Variants in CACHD1 observed in about 807,000 individuals in gnomAD.
CACHD1 encodes VWFA and cache domain-containing protein 1.
A neutral mutation model predicts 138.7 loss-of-function variants in CACHD1; 71 were observed. That is an observed-to-expected ratio of 0.51 (90% confidence interval 0.42 to 0.62). CACHD1 has a LOEUF of 0.62. Among genes scored for constraint, CACHD1 ranks in the 20% least tolerant of loss-of-function variants. The pLI, the probability that CACHD1 is intolerant of heterozygous loss-of-function variation, is 0.00. For synonymous variants in CACHD1, 578 were observed against 591.5 expected (o/e 0.98, Z 0.33); for missense variants, 1,389 against 1,625.3 (o/e 0.85, Z 2.50).
At chr1:64,499,246 C>T (rs1398564610) in intron 1 of CACHD1, among the ~76,000 whole-genome samples, 1 of 152,112 alleles carries the variant, frequency 6.6e-6, no homozygotes, top group African/African-American at 2.4e-5. Flanking sequence ...TGGGCTGATT[C>T]TTATCAGTTT....
intron 2 of CACHD1, among the ~76,000 whole-genome samples, chr1:64,558,662 G>C (rs1204726511): frequency 6.6e-6 from 1 of 152,068 alleles, no homozygotes; most frequent in African/African-American, 2.4e-5. Context: ...TCTAATTGAA[G>C]GTAAGAGCCT....
chr1:64,652,297 C>T lies in CACHD1; in HGVS notation c.1527C>T (p.Leu509=), dbSNP rs1434118792. The change falls in exon 10 of 27, where the codon CTC becomes CTT. Residue 509 remains leucine (L), a synonymous_variant. Transcript: ENST00000651257. Reference sequence around the variant, plus strand: ...ACTCTTTGGCTTCCTATACTTTTCTCATAGACGACAAAGGTAATCTGCTAA... The same window carrying T: ...ACTCTTTGGCTTCCTATACTTTTCTTATAGACGACAAAGGTAATCTGCTAA... ...YQDSLASYTF[L]IDDKGYTLMH... 6.2e-7 allele frequency: 1 copy of T among 1,606,876 alleles called. No homozygotes were observed. The highest frequency in any genetic ancestry group is 8.5e-7 in the Non-Finnish European group (1 of 1,178,040).
In CACHD1 at chr1:64,481,688, C is replaced by T. The variant is rs550899752; in HGVS notation, c.198+10746C>T. On this transcript the variant is annotated intron_variant, in intron 1 of 26. Transcript: ENST00000651257. ...TGTGTCATAAAGCAATTTGGAATCACTTCAGCTGTGGCAGAGCTGATAAGG... is the reference window on the plus strand; with the variant it reads ...TGTGTCATAAAGCAATTTGGAATCATTTCAGCTGTGGCAGAGCTGATAAGG... Among the ~76,000 whole-genome samples the T allele has an allele frequency of 3.3e-5, 5 of 152,328 alleles. No individual in the cohort carries two copies. The East Asian group carries it at 9.6e-4, about 29-fold the overall frequency.
intron 4 of CACHD1, among the ~76,000 whole-genome samples, chr1:64,604,872 C>T (rs1003165639): frequency 1.3e-5 from 2 of 151,854 alleles, no homozygotes; most frequent in East Asian, 1.9e-4. Context: ...AGGCTGGTCT[C>T]GAACTCCTAA....
intron 1 of CACHD1, among the ~76,000 whole-genome samples, chr1:64,494,629 C>T (rs1053068799): frequency 1.3e-5 from 2 of 152,112 alleles, no homozygotes; most frequent in African/African-American, 4.8e-5. Context: ...CCAGTGAAAC[C>T]ACAAGGCTAG....
intron 2 of CACHD1, among the ~76,000 whole-genome samples, chr1:64,554,107 T>C (rs910333788): frequency 6.6e-6 from 1 of 152,120 alleles, no homozygotes; most frequent in Non-Finnish European, 1.5e-5. Flanking sequence ...TCATTGCCCA[T>C]TGCAGCCTCA....
intron 1 of CACHD1, among the ~76,000 whole-genome samples, chr1:64,527,170 C>G (rs1023948085): frequency 2.0e-5 from 3 of 152,186 alleles, no homozygotes; most frequent in African/African-American, 7.2e-5. Context: ...AAGTGCAGGA[C>G]CACGGAGCGG....
intron 19 of CACHD1, among the ~76,000 whole-genome samples, chr1:64,673,912 A>T (rs1649900911): frequency 6.6e-6 from 1 of 152,168 alleles, no homozygotes; most frequent in Non-Finnish European, 1.5e-5. Flanking sequence ...ATCATCTGAA[A>T]ATAATGTCTT....
intron 1 of CACHD1, among the ~76,000 whole-genome samples, chr1:64,479,383 T>C (rs954692895): frequency 6.6e-6 from 1 of 152,234 alleles, no homozygotes; most frequent in African/African-American, 2.4e-5. Flanking sequence ...AGAGGGATTC[T>C]GGCAGGCCTC....
intron 1 of CACHD1, among the ~76,000 whole-genome samples, chr1:64,501,173 A>G (rs912182843): frequency 2.0e-5 from 3 of 152,178 alleles, no homozygotes; most frequent in African/African-American, 4.8e-5. Context: ...AAGATTCTCT[A>G]TTCCCTCCTC....
intron 3 of CACHD1, among the ~76,000 whole-genome samples, chr1:64,594,723 T>C (rs996560181): frequency 6.6e-6 from 1 of 152,242 alleles, no homozygotes; most frequent in South Asian, 2.1e-4. Context: ...AGAGATGGTT[T>C]TGTGATTTTT....
chr1:64,574,330 A>C (rs1448702103), intron 2 of CACHD1, among the ~76,000 whole-genome samples: 1 of 152,212 alleles, frequency 6.6e-6, no homozygotes, highest in Admixed American at 6.5e-5. Context: ...CAAATGAGAC[A>C]CTTCAGGTAA....
chr1:64,531,665 G>A (rs1646587410), intron 1 of CACHD1, among the ~76,000 whole-genome samples: 2 of 152,180 alleles, frequency 1.3e-5, no homozygotes, highest in Admixed American at 1.3e-4. Context: ...CTACAGATGT[G>A]TTTAGACTGA....
chr1:64,641,734 G>T, intron 7 of CACHD1, 86 bp from the exon 8 acceptor site: 1 of 1,022,630 alleles, frequency 9.8e-7, no homozygotes, highest in South Asian at 1.9e-5. Context: ...TCGAGGTGGG[G>T]AAGTCCAAGG....
At chr1:64,656,671 G>A (rs1015087045) in intron 12 of CACHD1, among the ~76,000 whole-genome samples, 1 of 151,964 alleles carries the variant, frequency 6.6e-6, no homozygotes, top group Non-Finnish European at 1.5e-5. Flanking sequence ...AGGCAAATTC[G>A]AGGTAGTAAT....
intron 5 of CACHD1, among the ~76,000 whole-genome samples, chr1:64,631,506 C>T (rs142624721): frequency 0.014 from 2,173 of 152,144 alleles, 21 homozygotes; most frequent in Middle Eastern, 0.027. Flanking sequence ...ACTTTGCCTG[C>T]GTTTCTTAAT....
At chr1:64,661,116 TA>T (rs1197016194) in intron 13 of CACHD1, among the ~76,000 whole-genome samples, 5 of 151,886 alleles carry the variant, frequency 3.3e-5, no homozygotes, top group Non-Finnish European at 7.4e-5. Flanking sequence ...CCAAGGTAAT[TA>T]AAATACAATA....
chr1:64,653,577 G>T (rs930257912), intron 10 of CACHD1, among the ~76,000 whole-genome samples, 181 bp from the exon 11 acceptor site: 5 of 152,010 alleles, frequency 3.3e-5, no homozygotes, highest in Admixed American at 2.6e-4. Flanking sequence ...ATCTTTCTAC[G>T]CCTCAAGAGT....
chr1:64,605,323 TTAAA>T (rs769602657), intron 4 of CACHD1, among the ~76,000 whole-genome samples: 2 of 152,210 alleles, frequency 1.3e-5, no homozygotes, highest in East Asian at 3.8e-4. Flanking sequence ...TAGTGTGTAT[TTAAA>T]TAAGATCTAG....
Sources: allele counts gnomAD v4.1 joint callset (sites outside exome capture counted in the v4.1 genomes callset), GRCh38; gene constraint gnomAD v4.1.1; transcripts MANE v1.5; gene names NCBI Gene and HGNC (gene_info 2026-07-23, HGNC 2026-07-21).